TACC2: variants seen among roughly 807,000 people sequenced by gnomAD.
The protein encoded by TACC2 is transforming acidic coiled-coil containing protein 2.
A neutral mutation model predicts 227.3 loss-of-function variants in TACC2; 137 were observed. The ratio of observed to expected loss-of-function variants is 0.60; its 90% CI spans 0.52 to 0.69. The LOEUF is 0.69. Ranked by LOEUF, TACC2 falls within the 30% of genes least tolerant of loss-of-function variation. TACC2 has a pLI of 0.00. For missense variants in TACC2, 3,470 were observed against 3,694.4 expected (o/e 0.94, Z 1.57); for synonymous variants, 1,523 against 1,487.5 (o/e 1.02, Z -0.55).
intron 9 of TACC2, among the ~76,000 whole-genome samples, chr10:122,215,033 T>C (rs565445838): frequency 8.5e-5 from 13 of 152,174 alleles, no homozygotes; most frequent in African/African-American, 1.2e-4. Context: ...CTAGCCTTAG[T>C]TGGGTTCAGA....
intron 1 of TACC2, chr10:122,019,851 C>T (rs1591116783): frequency 6.6e-6 from 1 of 152,342 alleles, no homozygotes; most frequent in South Asian, 2.1e-4. Flanking sequence ...TCCATGCGCC[C>T]GCAGCTTCCA....
intron 2 of TACC2, among the ~76,000 whole-genome samples, chr10:122,041,681 A>T (rs1406573049): frequency 6.6e-6 from 1 of 152,168 alleles, no homozygotes; most frequent in Non-Finnish European, 1.5e-5. Context: ...TCCTGAGTTC[A>T]GGTAACCCAC....
chr10:121,990,646 G>A (rs889578744), intron 1 of TACC2, among the ~76,000 whole-genome samples: 9 of 152,010 alleles, frequency 5.9e-5, no homozygotes, highest in African/African-American at 2.2e-4. Context: ...ATGCCCCTCT[G>A]CCCTAATTCC....
intron 5 of TACC2, among the ~76,000 whole-genome samples, chr10:122,126,141 T>C (rs1363538218): frequency 6.6e-6 from 1 of 152,168 alleles, no homozygotes; most frequent in African/African-American, 2.4e-5. Flanking sequence ...CTTCCTTGAA[T>C]TGAGTGCCAC....
intron 20 of TACC2, 25 bp downstream of exon 20, chr10:122,248,828 G>T: frequency 6.2e-7 from 1 of 1,613,194 alleles, no homozygotes; most frequent in Non-Finnish European, 8.5e-7. Context: ...GGGGGCCACG[G>T]AGGAGGAGGA....
At chr10:122,009,451 C>T (rs1955653723) in intron 1 of TACC2, among the ~76,000 whole-genome samples, 2 of 151,922 alleles carry the variant, frequency 1.3e-5, no homozygotes, top group South Asian at 2.1e-4. Context: ...TTGCAGTGAG[C>T]AGAGATCGTG....
chr10:122,208,432 A>T (rs1185644328), intron 8 of TACC2, among the ~76,000 whole-genome samples: 1 of 152,188 alleles, frequency 6.6e-6, no homozygotes, highest in Non-Finnish European at 1.5e-5. Context: ...CACTCTGCAG[A>T]ATACTCACTG....
chr10:122,083,352 A>G lies in TACC2; in HGVS notation c.852A>G (p.Arg284=), dbSNP rs1191200763. 1 of 1,613,754 alleles carries G rather than the reference A, an allele frequency of 6.2e-7. No homozygotes were observed. The highest frequency in any genetic ancestry group is 8.5e-7 in the Non-Finnish European group (1 of 1,179,996). Residue 284 remains arginine (R), a synonymous_variant, in exon 4 of 23, where the codon AGA becomes AGG. Transcript: ENST00000369005. ...MAPIPQDPAP[R]ASDRERGQGE... The stretch of plus-strand genomic sequence containing the variant: ...CGATCCCACAAGATCCAGCCCCAAG[A>G]GCCTCAGACAGAGAAAGAGGCCAAG...
At chr10:122,110,443 T>C (rs2083454899) in intron 5 of TACC2, among the ~76,000 whole-genome samples, 1 of 152,196 alleles carries the variant, frequency 6.6e-6, no homozygotes, top group Non-Finnish European at 1.5e-5. Flanking sequence ...GAGTTTCTGA[T>C]ATCGACGTAT....
At chr10:122,235,837 C>T (rs2095847913) in intron 16 of TACC2, among the ~76,000 whole-genome samples, 1 of 152,084 alleles carries the variant, frequency 6.6e-6, no homozygotes, top group African/African-American at 2.4e-5. Context: ...GCCCTGTTCT[C>T]ACATGAGCGA....
chr10:122,137,412 G>T (rs984360340), intron 6 of TACC2, among the ~76,000 whole-genome samples: 1 of 152,118 alleles, frequency 6.6e-6, no homozygotes. Context: ...GAGCCCAGGA[G>T]ATGGAGGTTG....
At chr10:122,157,300 A>C (rs1592714687) in intron 7 of TACC2, among the ~76,000 whole-genome samples, 1 of 152,146 alleles carries the variant, frequency 6.6e-6, no homozygotes. Context: ...CTAGAAATGC[A>C]TCCCTGGGAA....
intron 1 of TACC2, among the ~76,000 whole-genome samples, chr10:122,004,122 G>T (rs1443459380): frequency 1.3e-5 from 2 of 152,104 alleles, no homozygotes; most frequent in Non-Finnish European, 2.9e-5. Context: ...AGTTGGCCAG[G>T]CATGGTGGCT....
intron 5 of TACC2, among the ~76,000 whole-genome samples, chr10:122,123,760 G>A (rs2086284253): frequency 6.6e-6 from 1 of 151,914 alleles, no homozygotes. Context: ...CTGAAGTGGG[G>A]TGCACAGTTT....
Position 122,085,413 on chromosome 10 carries a change from CTT to C in TACC2, c.2916_2917del (p.Leu974CysfsTer25), listed in dbSNP as rs1178047854. On this transcript the variant is annotated frameshift_variant, in exon 4 of 23. Coordinates refer to ENST00000369005, the MANE Select transcript of TACC2 (RefSeq NM_206862.4). LOFTEE classifies it high-confidence loss of function. Reference protein sequence around the residue: ...SPPAADVLKDFSLAGNFSRKE... With the variant: ...SPPAADVLKDXSLAGNFSRKE... Reference sequence around the variant, plus strand: ...CTCCAGCAGCAGATGTCTTAAAAGACTTTTCTCTTGCAGGGAACTTCAGCAGA... The same window carrying C: ...CTCCAGCAGCAGATGTCTTAAAAGACTTCTCTTGCAGGGAACTTCAGCAGA... The C allele has an allele frequency of 1.2e-5, 19 of 1,613,934 alleles. No individual in the cohort carries two copies. The East Asian group carries it at 4.2e-4, about 36-fold the overall frequency.
intron 7 of TACC2, among the ~76,000 whole-genome samples, chr10:122,170,589 A>C (rs1225507853): frequency 2.6e-5 from 4 of 152,180 alleles, no homozygotes. Context: ...GGCGTGAGCC[A>C]CTGTGCCTGA....
At chr10:121,993,817 C>T (rs543458876) in intron 1 of TACC2, among the ~76,000 whole-genome samples, 1 of 151,996 alleles carries the variant, frequency 6.6e-6, no homozygotes, top group South Asian at 2.1e-4. Context: ...TTTTAGTAGA[C>T]TCTACAAGGT....
intron 19 of TACC2, chr10:122,247,317 C>CT (rs2096146992): frequency 6.6e-6 from 1 of 152,178 alleles, no homozygotes; most frequent in Admixed American, 6.5e-5. Context: ...CCCTCGGAGT[C>CT]ATTCCAGGTG....
chr10:122,135,949 T>G (rs1040143552), intron 6 of TACC2, among the ~76,000 whole-genome samples: 2 of 152,232 alleles, frequency 1.3e-5, no homozygotes, highest in Non-Finnish European at 2.9e-5. Flanking sequence ...CCCTCCTAAG[T>G]GCAACAACAG....
Sources: allele counts gnomAD v4.1 joint callset (sites outside exome capture counted in the v4.1 genomes callset), GRCh38; gene constraint gnomAD v4.1.1; transcripts MANE v1.5; gene names NCBI Gene and HGNC (gene_info 2026-07-23, HGNC 2026-07-21).